The following ABCA3 variants were observed in gnomAD, a reference collection of about 807,000 sequenced individuals.
ABCA3 encodes the protein phospholipid-transporting ATPase ABCA3.
ABCA3 carries 88 observed loss-of-function variants against 172.8 expected under a neutral mutation model. The observed-to-expected ratio is 0.51, with a 90% CI of 0.43 to 0.61. ABCA3 has a LOEUF of 0.61. Among genes scored for constraint, ABCA3 ranks in the 20% least tolerant of loss-of-function variants. ABCA3 has a pLI of 0.00. For missense variants in ABCA3, 2,164 were observed against 2,301.0 expected, an observed-to-expected ratio of 0.94 and a Z score of 1.22; for synonymous variants, 1,066 against 983.8, an observed-to-expected ratio of 1.08 and a Z score of -1.56.
At chr16:2,332,827 T>C (rs1183268451) in intron 1 of ABCA3, 9 of 582,548 alleles carry the variant, frequency 1.5e-5, no homozygotes, top group South Asian at 8.2e-5. Context: ...TTTTTTTTTT[T>C]ACACAGTCTT....
chr16:2,321,481 G>A (rs2093725989), intron 7 of ABCA3, among the ~76,000 whole-genome samples: 1 of 152,168 alleles, frequency 6.6e-6, no homozygotes, highest in African/African-American at 2.4e-5. Flanking sequence ...ACGTTGCTGT[G>A]ACTTCCATGG....
At chr16:2,315,478 T>C (rs1344602810) in intron 10 of ABCA3, among the ~76,000 whole-genome samples, 1 of 152,022 alleles carries the variant, frequency 6.6e-6, no homozygotes, top group East Asian at 1.9e-4. Context: ...GAGGGCAAAA[T>C]ACAGACACCT....
chr16:2,323,249 A>T (rs921228860), intron 7 of ABCA3: 13 of 534,832 alleles, frequency 2.4e-5, no homozygotes, highest in African/African-American at 2.1e-4. Context: ...CAGTGTGGCG[A>T]TTCCTCAGGG....
rs3138606 is a variant in ABCA3, at chr16:2,289,961, TCACACA to T, written c.2514-347_2514-342del. ...ATTTTTTAATATTATGTGAATTACATCACACACACACACACACACACACACACACAC... is the reference window on the plus strand; with the variant it reads ...ATTTTTTAATATTATGTGAATTACATCACACACACACACACACACACACAC... On this transcript the variant is annotated intron_variant, in intron 19 of 32. Transcript: ENST00000301732. Among the ~76,000 whole-genome samples the T allele has an allele frequency of 9.3e-3, 1,290 of 138,202 alleles. 9 individuals carry two copies. Among genetic ancestry groups the T allele is most frequent in the East Asian group, 0.016 (75 of 4,660 alleles). 90.7% of individuals were successfully genotyped at this position (138,202 alleles called of 152,430 possible).
Position 2,297,172 on chromosome 16 carries a change from C to G in ABCA3, c.2263+157G>C, listed in dbSNP as rs2093681075. Among the ~76,000 whole-genome samples, 1 of 152,136 alleles carries G rather than the reference C, an allele frequency of 6.6e-6. No homozygotes were observed. Among genetic ancestry groups the G allele is most frequent in the Non-Finnish European group, 1.5e-5 (1 of 68,030 alleles). ...CCTGCCTCTTCCCTCTCACAAGCCCCCCTGCCTGGTTGGGCTCTCCACCCA... is the reference window on the plus strand; with the variant it reads ...CCTGCCTCTTCCCTCTCACAAGCCCGCCTGCCTGGTTGGGCTCTCCACCCA... On this transcript the variant is annotated intron_variant, in intron 17 of 32. Transcript: ENST00000301732. The surrounding 1 kb of genome is among the most constrained non-coding windows in gnomAD (Gnocchi z 5.6).
At chr16:2,302,551 A>C (rs2093691188) in intron 12 of ABCA3, among the ~76,000 whole-genome samples, 1 of 151,948 alleles carries the variant, frequency 6.6e-6, no homozygotes, top group Non-Finnish European at 1.5e-5. Flanking sequence ...GGTGGTGTGA[A>C]CATGGCTCAC....
intron 1 of ABCA3, among the ~76,000 whole-genome samples, chr16:2,334,158 T>TG (rs1026430989): frequency 2.0e-5 from 3 of 151,680 alleles, no homozygotes; most frequent in African/African-American, 7.3e-5. Flanking sequence ...GGGAGGGTGA[T>TG]GGGGGGAGGT....
At chr16:2,294,089 G>A (rs999161613) in intron 18 of ABCA3, among the ~76,000 whole-genome samples, 29 of 150,542 alleles carry the variant, frequency 1.9e-4, no homozygotes, top group East Asian at 3.9e-4. Context: ...GTGTGATTTC[G>A]GCTCACTGCA....
intron 1 of ABCA3, among the ~76,000 whole-genome samples, chr16:2,330,290 A>C (rs1347167710): frequency 8.8e-6 from 1 of 113,652 alleles, no homozygotes. Flanking sequence ...CCCTGTCTCA[A>C]AAAAAAAAAA....
In ABCA3 at chr16:2,324,389, G is replaced by T. The variant is rs199892606; in HGVS notation, c.447+15C>A. 9 of 1,583,410 alleles carry T rather than the reference G, an allele frequency of 5.7e-6. No individual in the cohort carries two copies. Among genetic ancestry groups the T allele is most frequent in the Non-Finnish European group, 1.7e-6 (2 of 1,171,078 alleles). ...CTGATGGGCTGTGACTGCTCGGCCC[G>T]GCCGCACGTCTCACCGCCAGCGGCA... is the stretch of plus-strand genomic sequence containing the variant. On this transcript the variant is annotated intron_variant, in intron 6 of 32. Coordinates refer to ENST00000301732, the MANE Select transcript of ABCA3 (RefSeq NM_001089.3).
chr16:2,326,626 C>G (rs2093734861), intron 3 of ABCA3, 134 bp from the exon 4 acceptor site: 1 of 960,128 alleles, frequency 1.0e-6, no homozygotes, highest in Non-Finnish European at 1.6e-6. Context: ...TCCAAACACC[C>G]CTGGAGGGAA....
intron 1 of ABCA3, among the ~76,000 whole-genome samples, chr16:2,337,293 T>C (rs1041002244): frequency 9.2e-5 from 14 of 151,924 alleles, no homozygotes; most frequent in African/African-American, 2.7e-4. Context: ...TTGTAATTTA[T>C]AACACATAAT....
intron 7 of ABCA3, among the ~76,000 whole-genome samples, chr16:2,320,929 A>T (rs946469054): frequency 3.3e-5 from 5 of 151,514 alleles, no homozygotes; most frequent in African/African-American, 9.7e-5. Flanking sequence ...TTTCTCTAAC[A>T]AAAGATATTT....
intron 7 of ABCA3, among the ~76,000 whole-genome samples, chr16:2,320,223 C>G (rs886981855): frequency 2.6e-5 from 4 of 151,626 alleles, no homozygotes; most frequent in African/African-American, 9.7e-5. Context: ...CTCAGCCTCC[C>G]GAGTAGCTGG....
intron 11 of ABCA3, among the ~76,000 whole-genome samples, chr16:2,305,012 C>T (rs940743224): frequency 1.2e-4 from 18 of 152,130 alleles, no homozygotes; most frequent in South Asian, 4.1e-4. Context: ...GGGGTTTCAC[C>T]GTGTTGCCCA....
Position 2,276,729 on chromosome 16 carries a change from T to A in ABCA3, c.5060A>T (p.Gln1687Leu). The change falls in exon 33 of 33, where the codon CAG (glutamine) becomes CTG (leucine). Residue 1687 changes from glutamine to leucine, a missense_variant. Coordinates refer to ENST00000301732, the MANE Select transcript of ABCA3 (RefSeq NM_001089.3). ...DYSVSQISLE[Q>L]VFLSFAHLQP... ...CAGGTGGGCGAAGCTCAGGAAGACC[T>A]GTTCCAGCGAGATCTGGCTCACGGA... 1 of 1,613,982 alleles carries A rather than the reference T, an allele frequency of 6.2e-7. No individual in the cohort carries two copies. The highest frequency in any genetic ancestry group is 1.1e-5 in the South Asian group (1 of 91,090).
chr16:2,330,539 C>T (rs1474752907), intron 1 of ABCA3, among the ~76,000 whole-genome samples: 1 of 151,526 alleles, frequency 6.6e-6, no homozygotes, highest in African/African-American at 2.4e-5. Context: ...AGGCTGGTCT[C>T]AAACTCCTGA....
rs753751884 is a variant in ABCA3 at position 2,297,777 on chromosome 16, C to T, written c.2041G>A (p.Ala681Thr). 26 of 1,612,156 alleles carry T rather than the reference C, an allele frequency of 1.6e-5. No homozygotes were observed. The highest frequency in any genetic ancestry group is 3.5e-4 in the Middle Eastern group (2 of 5,638). Reference protein sequence around the residue: ...RKLSIGIALIAGSKVLILDEP... With the variant: ...RKLSIGIALITGSKVLILDEP... The stretch of plus-strand genomic sequence containing the variant: ...TCCCACCGCCACACCTTGGAGCCTG[C>T]GATGAGGGCGATGCCGATGGAGAGC... Residue 681 changes from alanine to threonine, a missense_variant, in exon 16 of 33, where the codon GCA becomes ACA. Physicochemically the swap from Ala to Thr is moderately conservative, Grantham distance 58. This residue lies in a region of ABCA3 where 1,343 missense variants were observed against 1,369.6 expected (regional missense o/e 0.98). Transcript: ENST00000301732. This position sits in a 1 kb window ranked among gnomAD's most constrained non-coding sequence, Gnocchi z 5.6.
In ABCA3 at chr16:2,279,194, C is replaced by T. The variant is rs2093651419; in HGVS notation, c.4360-64G>A. On this transcript the variant is annotated intron_variant, in intron 28 of 32. Transcript: ENST00000301732. The surrounding 1 kb of genome is among the most constrained non-coding windows in gnomAD (Gnocchi z 4.4). ...AGGGAAGCCTCCTTCCTCCAGAGGA[C>T]CACGGGGACTACCCTTGAGGTGCCC... 1.9e-6 allele frequency: 3 copies of T among 1,576,954 alleles called. No individual in the cohort carries two copies. The highest frequency in any genetic ancestry group is 3.4e-5 in the Admixed American group (2 of 59,022).
Sources: allele counts gnomAD v4.1 joint callset (sites outside exome capture counted in the v4.1 genomes callset), GRCh38; gene constraint gnomAD v4.1.1; regional missense constraint gnomAD v4.1.1; non-coding constraint Gnocchi (gnomAD v3.1); transcripts MANE v1.5; gene names NCBI Gene and HGNC (gene_info 2026-07-23, HGNC 2026-07-21).